Variants in PRIM2 observed in about 807,000 individuals in gnomAD.
The protein encoded by PRIM2 is DNA primase large subunit.
PRIM2 carries 39 observed loss-of-function variants against 67.3 expected under a neutral mutation model. The ratio of observed to expected loss-of-function variants is 0.58; its 90% confidence interval spans 0.45 to 0.76. The LOEUF is 0.76. PRIM2 is among the 30% of genes least tolerant of loss of function. The pLI, the probability that PRIM2 is intolerant of heterozygous loss-of-function variation, is 0.00. For missense variants in PRIM2, 398 were observed against 598.7 expected (o/e 0.66, Z 3.50); for synonymous variants, 143 against 198.7 (o/e 0.72, Z 2.36).
chr6:57,455,606 A>T (rs1367842127), intron 7 of PRIM2, among the ~76,000 whole-genome samples: 1 of 152,174 alleles, frequency 6.6e-6, no homozygotes, highest in Non-Finnish European at 1.5e-5. Context: ...CTAGGACTGC[A>T]ACCCCTGCCT....
At chr6:57,330,356 T>G (rs958702962) in intron 5 of PRIM2, among the ~76,000 whole-genome samples, 3 of 118,724 alleles carry the variant, frequency 2.5e-5, no homozygotes, top group African/African-American at 7.4e-5. Context: ...TTGTTTTTTT[T>G]TTTTGTTTTT....
chr6:57,578,185 C>T (rs1775997426), intron 10 of PRIM2, among the ~76,000 whole-genome samples: 1 of 152,192 alleles, frequency 6.6e-6, no homozygotes, highest in African/African-American at 2.4e-5. Context: ...GTGATATCAA[C>T]ACTTATTACT....
At chr6:57,546,699 C>T (rs1392968294) in intron 10 of PRIM2, among the ~76,000 whole-genome samples, 4,066 of 152,128 alleles carry the variant, frequency 0.027, 78 homozygotes, top group Non-Finnish European at 0.043. Context: ...AATTTACCTT[C>T]TCAGTATATT....
At chr6:57,634,273 A>C (rs1378196511) in intron 13 of PRIM2, among the ~76,000 whole-genome samples, 1 of 152,220 alleles carries the variant, frequency 6.6e-6, no homozygotes, top group Non-Finnish European at 1.5e-5. Context: ...TACATGCTGT[A>C]ATTGATTAAT....
At position 57,632,206 on chromosome 6, in the gene PRIM2, G is replaced by C; in HGVS notation, c.1299+5G>C. On this transcript the variant is annotated splice_donor_5th_base_variant and intron_variant, in intron 13 of 13. Transcript: ENST00000615550. Reference sequence around the variant, plus strand: ...TACTTTGAGATGATACACAATGTAAGTATTTTTTTTAACTTTATATCCTAA... The same window carrying C: ...TACTTTGAGATGATACACAATGTAACTATTTTTTTTAACTTTATATCCTAA... 6.9e-7 allele frequency: 1 copy of C among 1,439,822 alleles called. No homozygotes were observed. The highest frequency in any genetic ancestry group is 9.3e-7 in the Non-Finnish European group (1 of 1,076,554). The allele number at this position is 1,439,822 out of a possible 1,614,324, so 89.2% of individuals were successfully genotyped here.
chr6:57,382,123 A>T lies in PRIM2; in HGVS notation c.648A>T (p.Ala216=). ...FAYVPLKDIV[A]IILNEFRAKL... ...ACGTACCACTTAAGGACATTGTGGC[A>T]ATCATCCTGAATGAATTTAGAGCCA... is the stretch of plus-strand genomic sequence containing the variant. The change falls in exon 7 of 14, where the codon GCA becomes GCT. Residue 216 remains alanine, a synonymous_variant. Transcript: ENST00000615550. The T allele has an allele frequency of 6.2e-7, 1 of 1,613,336 alleles. No individual in the cohort carries two copies. Among genetic ancestry groups the T allele is most frequent in the Non-Finnish European group, 8.5e-7 (1 of 1,179,536 alleles).
At chr6:57,329,133 T>G (rs1166760397) in intron 5 of PRIM2, among the ~76,000 whole-genome samples, 1 of 152,130 alleles carries the variant, frequency 6.6e-6, no homozygotes, top group East Asian at 1.9e-4. Context: ...CAAAAAGGTT[T>G]TTTTTTTTCA....
rs557264321 is a variant in PRIM2 at position 57,351,629 on chromosome 6, T to TAACATAAAA, written c.459+25586_459+25587insCATAAAAAA. 4.7e-4 allele frequency among the ~76,000 whole-genome samples: 71 copies of TAACATAAAA among 152,136 alleles called. 1 individual carries two copies. In the East Asian group the frequency reaches 0.012, roughly 27 times the overall value. Reference sequence around the variant, plus strand: ...GAGGACAAGAGTAGTGTAATGTTAGTAATGATAGTGAACATAAAAAAAAAG... The same window carrying TAACATAAAA: ...GAGGACAAGAGTAGTGTAATGTTAGTAACATAAAAAATGATAGTGAACATAAAAAAAAAG... On this transcript the variant is annotated intron_variant, in intron 5 of 13. Transcript: ENST00000615550.
chr6:57,385,590 T>G (rs6916928), intron 7 of PRIM2, among the ~76,000 whole-genome samples: 6,480 of 152,282 alleles, frequency 0.043, 426 homozygotes, highest in African/African-American at 0.14. Flanking sequence ...TTCACCAGTT[T>G]TCTCAATCAC....
intron 10 of PRIM2, among the ~76,000 whole-genome samples, chr6:57,543,302 T>C (rs2127472435): frequency 6.6e-6 from 1 of 152,328 alleles, no homozygotes; most frequent in African/African-American, 2.4e-5. Flanking sequence ...ATTAAAGGAC[T>C]TGGGTGTTGA....
rs1282692508 is a variant in PRIM2, at chr6:57,318,593, G to A, written c.148G>A (p.Val50Ile). The change falls in exon 2 of 14, where the codon GTT becomes ATT. Residue 50 changes from valine to isoleucine, a missense_variant. Val to Ile is a conservative substitution (Grantham distance 29). Coordinates refer to ENST00000615550, the MANE Select transcript of PRIM2 (RefSeq NM_000947.5). ...ATTTGAAAACTTGGCTATTGATAGA[G>A]TTAAATGTAAGTACTATTTAAATTA... ...IEFENLAIDR[V>I]KLLKSVENLG... 1 of 1,556,806 alleles carries A rather than the reference G, an allele frequency of 6.4e-7. No homozygotes were observed. The highest frequency in any genetic ancestry group is 2.4e-5 in the East Asian group (1 of 42,002).
At chr6:57,503,755 T>TAAA (rs1200599349) in intron 7 of PRIM2, among the ~76,000 whole-genome samples, 1 of 146,248 alleles carries the variant, frequency 6.8e-6, no homozygotes, top group African/African-American at 2.5e-5. Flanking sequence ...GGCTCTGTCT[T>TAAA]AAAAAAAAAA....
chr6:57,524,162 G>T (rs1438364070), intron 8 of PRIM2, among the ~76,000 whole-genome samples: 1 of 152,126 alleles, frequency 6.6e-6, no homozygotes, highest in Non-Finnish European at 1.5e-5. Flanking sequence ...ATTTAAATTT[G>T]GTTGTGTAAA....
At chr6:57,521,380 T>G (rs1431259218) in intron 8 of PRIM2, among the ~76,000 whole-genome samples, 1 of 147,712 alleles carries the variant, frequency 6.8e-6, no homozygotes, top group Non-Finnish European at 1.5e-5. Context: ...TTTTTTTTTT[T>G]TTTTTTTTTT....
intron 7 of PRIM2, among the ~76,000 whole-genome samples, chr6:57,470,048 T>C (rs1438285102): frequency 6.6e-6 from 1 of 152,134 alleles, no homozygotes; most frequent in Non-Finnish European, 1.5e-5. Flanking sequence ...AAGCAGTCTT[T>C]CCATTTTAAC....
chr6:57,605,954 T>C (rs1216675408), intron 11 of PRIM2, among the ~76,000 whole-genome samples: 1 of 152,184 alleles, frequency 6.6e-6, no homozygotes, highest in Admixed American at 6.5e-5. Context: ...AGAGTTTGCA[T>C]GTTTTTCATT....
chr6:57,432,461 T>G (rs1022798717), intron 7 of PRIM2, among the ~76,000 whole-genome samples: 4 of 152,192 alleles, frequency 2.6e-5, no homozygotes, highest in African/African-American at 9.6e-5. Flanking sequence ...GAGTGGACAC[T>G]TAATAGCTTC....
intron 5 of PRIM2, among the ~76,000 whole-genome samples, chr6:57,376,216 G>A (rs1228191275): frequency 3.3e-5 from 5 of 152,108 alleles, no homozygotes; most frequent in Non-Finnish European, 7.4e-5. Flanking sequence ...GTCTCACTTA[G>A]TCGCCCAGGC....
the PRIM2 span, among the ~76,000 whole-genome samples, chr6:57,296,596 G>A: frequency 6.6e-6 from 1 of 151,718 alleles, no homozygotes; most frequent in Non-Finnish European, 1.5e-5. Flanking sequence ...GTTTGGTGGT[G>A]GTGGTAGTGG....
Sources: gnomAD v4.1 joint callset for allele counts (sites outside exome capture counted in the v4.1 genomes callset) on GRCh38, gnomAD v4.1.1 for gene constraint, MANE v1.5 for transcripts, NCBI Gene and HGNC (gene_info 2026-07-23, HGNC 2026-07-21) for gene names.